The following PAK3 variants were observed in gnomAD, a reference collection of about 807,000 sequenced individuals.
PAK3 encodes p21 (RAC1) activated kinase 3, also known as serine/threonine-protein kinase PAK 3.
PAK3 carries 4 observed loss-of-function variants against 41.0 expected under a neutral mutation model. The ratio of observed to expected loss-of-function variants is 0.10; its 90% CI spans 0.05 to 0.22. The LOEUF is 0.22. Among genes scored for constraint, PAK3 ranks in the 10% least tolerant of loss-of-function variants. The probability of loss-of-function intolerance (pLI) is 1.00; values close to 1 mark genes in which losing one functional copy is unlikely to be tolerated. For missense variants in PAK3, 205 were observed against 409.9 expected, an observed-to-expected ratio of 0.50 and a Z score of 4.32; for synonymous variants, 146 against 139.6, an observed-to-expected ratio of 1.05 and a Z score of -0.32.
At chrX:111,074,640 G>T (rs1203193692) in intron 1 of PAK3, among the ~76,000 whole-genome samples, 1 of 112,161 alleles carries the variant, frequency 8.9e-6, no homozygotes, top group Non-Finnish European at 1.9e-5. Flanking sequence ...CCAAGGAGTT[G>T]CTGTAAAGAT....
chrX:110,979,962 A>G lies in PAK3; in HGVS notation c.-28+35334A>G, dbSNP rs758102922. Among the ~76,000 whole-genome samples the G allele has an allele frequency of 7.1e-5, 8 of 111,890 alleles. No homozygotes were observed. The South Asian group carries it at 3.0e-3, about 43-fold the overall frequency. ...GCTCATTCAGGTGTAGGCAGAATTC[A>G]GTTTCTTTGGGTTGTAGATTTGAAG... is the stretch of plus-strand genomic sequence containing the variant. On this transcript the variant is annotated intron_variant, in intron 1 of 14. Coordinates refer to the PAK3 transcript ENST00000425146.
At chrX:111,211,674 CAAAA>C (rs200390666) in intron 16 of PAK3, among the ~76,000 whole-genome samples, 5 of 55,134 alleles carry the variant, frequency 9.1e-5, no homozygotes, top group Admixed American at 2.2e-4. Flanking sequence ...GACTTTGTCT[CAAAA>C]AAAAAAAAAA....
chrX:111,147,291 C>G (rs1422252137), intron 6 of PAK3, among the ~76,000 whole-genome samples: 3 of 111,589 alleles, frequency 2.7e-5, no homozygotes, highest in Non-Finnish European at 5.6e-5. Context: ...AAAATATATT[C>G]TGATTACAAC....
intron 1 of PAK3, among the ~76,000 whole-genome samples, chrX:110,987,345 A>G (rs753113107): frequency 1.4e-3 from 152 of 112,289 alleles, no homozygotes; most frequent in Non-Finnish European, 2.2e-3. Flanking sequence ...GAGTGTGTTC[A>G]TTTCTGAACT....
At chrX:111,156,261 G>C (rs942513880) in intron 8 of PAK3, among the ~76,000 whole-genome samples, 1 of 111,644 alleles carries the variant, frequency 9.0e-6, no homozygotes, top group African/African-American at 3.3e-5. Flanking sequence ...AAACTGATAG[G>C]TCGTGGGTAA....
intron 1 of PAK3, among the ~76,000 whole-genome samples, chrX:111,011,929 T>G (rs1268394080): frequency 2.7e-5 from 3 of 112,260 alleles, no homozygotes; most frequent in Non-Finnish European, 5.6e-5. Context: ...ACATGATACT[T>G]CATAATATGA....
At chrX:110,969,404 C>A (rs1374281731) in intron 1 of PAK3, among the ~76,000 whole-genome samples, 1 of 105,875 alleles carries the variant, frequency 9.4e-6, no homozygotes, top group Admixed American at 1.0e-4. Flanking sequence ...GTGCTTCAGC[C>A]CCCTGAGTAG....
intron 1 of PAK3, among the ~76,000 whole-genome samples, chrX:110,992,582 C>T (rs1352394831): frequency 3.7e-5 from 4 of 109,564 alleles, no homozygotes; most frequent in African/African-American, 6.7e-5. Context: ...ATCCTGAGGG[C>T]GACACAGAGA....
intron 1 of PAK3, among the ~76,000 whole-genome samples, chrX:111,081,620 A>G (rs1482946463): frequency 1.8e-5 from 2 of 111,732 alleles, no homozygotes; most frequent in African/African-American, 3.2e-5. Context: ...TAAAAAAAAG[A>G]TAAGCATATG....
intron 1 of PAK3, among the ~76,000 whole-genome samples, chrX:111,065,466 G>C (rs921995366): frequency 9.0e-6 from 1 of 111,327 alleles, no homozygotes; most frequent in Non-Finnish European, 1.9e-5. Context: ...CTAGTATTTT[G>C]TTGAAGATTT....
chrX:110,996,071 A>G (rs1274546950), intron 1 of PAK3, among the ~76,000 whole-genome samples: 1 of 111,914 alleles, frequency 8.9e-6, no homozygotes, highest in African/African-American at 3.2e-5. Context: ...AGAGAGCATT[A>G]AAAAACAAAA....
At chrX:111,106,080 G>T (rs1263416954) in intron 4 of PAK3, among the ~76,000 whole-genome samples, 1 of 110,776 alleles carries the variant, frequency 9.0e-6, no homozygotes. Context: ...CTCCACATTC[G>T]TGTACATGCA....
At chrX:111,161,130 G>T (rs1205849999) in intron 8 of PAK3, among the ~76,000 whole-genome samples, 1 of 111,416 alleles carries the variant, frequency 9.0e-6, no homozygotes, top group African/African-American at 3.3e-5. Flanking sequence ...AGCACCTGTT[G>T]TTTCCTGACT....
chrX:111,094,353 C>A (rs755363480), upstream of PAK3, among the ~76,000 whole-genome samples: 5 of 111,676 alleles, frequency 4.5e-5, no homozygotes, highest in Non-Finnish European at 9.4e-5. Flanking sequence ...TAAACTGTAT[C>A]ATATTAGAAA....
intron 6 of PAK3, chrX:111,144,904 T>A: frequency 9.0e-7 from 1 of 1,111,791 alleles, no homozygotes; most frequent in South Asian, 1.9e-5. Flanking sequence ...TCGCTTCAAG[T>A]CAATCAGAGG....
In PAK3 at chrX:110,997,352, G is replaced by A. The variant is rs1426685230; in HGVS notation, c.-28+52724G>A. On this transcript the variant is annotated intron_variant, in intron 1 of 14. Transcript: ENST00000425146. Reference sequence around the variant, plus strand: ...TGGTATGTTGAGAATACACTGAAGAGGGAAAAGAGTGGAAGCAGAAGAACC... The same window carrying A: ...TGGTATGTTGAGAATACACTGAAGAAGGAAAAGAGTGGAAGCAGAAGAACC... 4.5e-5 allele frequency among the ~76,000 whole-genome samples: 5 copies of A among 111,557 alleles called. No homozygotes were observed. The East Asian group carries it at 1.4e-3, about 31-fold the overall frequency.
intron 1 of PAK3, among the ~76,000 whole-genome samples, chrX:110,993,307 C>T (rs1157440337): frequency 2.7e-5 from 3 of 111,169 alleles, no homozygotes; most frequent in African/African-American, 9.8e-5. Context: ...CTATTTTGGC[C>T]TCACAAAATG....
In PAK3 at chrX:111,223,738, A is replaced by G. The variant is rs1453122626; in HGVS notation, c.*3291A>G. ...TCTATAAATGATATTTCTCAGCTCA[A>G]AGATCGTGTAAATAATTATATTCCT... is the stretch of plus-strand genomic sequence containing the variant. On this transcript the variant is annotated 3_prime_UTR_variant, in exon 18 of 18. Coordinates refer to ENST00000372007, the MANE Select transcript of PAK3 (RefSeq NM_002578.5). 9.0e-6 allele frequency: 1 copy of G among 111,351 alleles called. No individual in the cohort carries two copies. Among genetic ancestry groups the G allele is most frequent in the Non-Finnish European group, 1.9e-5 (1 of 53,135 alleles). 9.2% of individuals were successfully genotyped at this position (111,351 alleles called of 1,213,427 possible). A position where few individuals can be genotyped will look rare whatever the true frequency, so the allele number is the denominator to read the frequency against.
intron 1 of PAK3, among the ~76,000 whole-genome samples, chrX:110,978,139 A>T (rs895928124): frequency 7.2e-5 from 8 of 111,635 alleles, no homozygotes; most frequent in Non-Finnish European, 1.3e-4. Context: ...TATTGAAATG[A>T]TCATGTGGTT....
Sources: allele counts gnomAD v4.1 joint callset (sites outside exome capture counted in the v4.1 genomes callset), GRCh38; gene constraint gnomAD v4.1.1; transcripts MANE v1.5; gene names NCBI Gene and HGNC (gene_info 2026-07-23, HGNC 2026-07-21).